Variants in EIF3F observed in about 807,000 individuals in gnomAD.
The protein encoded by EIF3F is eukaryotic translation initiation factor 3 subunit F, also known as deubiquitinating enzyme eIF3f.
EIF3F carries 8 observed loss-of-function variants against 36.0 expected under a neutral mutation model. The ratio of observed to expected loss-of-function variants is 0.22; its 90% CI spans 0.13 to 0.40. The LOEUF is 0.40. Among genes scored for constraint, EIF3F ranks in the 10% least tolerant of loss-of-function variants. The probability of loss-of-function intolerance (pLI) is 1.00; values close to 1 mark genes in which losing one functional copy is unlikely to be tolerated. For missense variants in EIF3F, 430 were observed against 467.6 expected (o/e 0.92, Z 0.74); for synonymous variants, 184 against 188.5 (o/e 0.98, Z 0.19).
At chr11:7,988,013 GT>G in intron 1 of EIF3F, 1 of 290,940 alleles carries the variant, frequency 3.4e-6, no homozygotes, top group Non-Finnish European at 6.1e-6. Context: ...TATGCCAGTG[GT>G]TTACATTTTA....
rs754625266 is a variant in EIF3F at position 7,991,770 on chromosome 11, C to G, written c.365-11C>G. 1.2e-6 allele frequency: 2 copies of G among 1,614,122 alleles called. No individual in the cohort carries two copies. Among genetic ancestry groups the G allele is most frequent in the Non-Finnish European group, 1.7e-6 (2 of 1,179,956 alleles). ...GATTATATAACACATGGACGATTCT[C>G]TCTTTCACAGGAACTGTCGACAAAC... On this transcript the variant is annotated splice_polypyrimidine_tract_variant and intron_variant, in intron 1 of 7. Transcript: ENST00000651655.
rs1007787993 is a variant in EIF3F at position 7,999,673 on chromosome 11, G to A, written c.*3651G>A. 2.6e-5 allele frequency: 4 copies of A among 152,190 alleles called. No individual in the cohort carries two copies. The highest frequency in any genetic ancestry group is 4.4e-5 in the Non-Finnish European group (3 of 68,026). The allele number at this position is 152,190 out of a possible 1,614,324, so 9.4% of individuals were successfully genotyped here. The stretch of plus-strand genomic sequence containing the variant: ...AGTTCAGTAGACTCAAAATGCAAGC[G>A]TTGGTGAGGGTATGGAGAAAAGGGA... On this transcript the variant is annotated 3_prime_UTR_variant, in exon 8 of 8. Coordinates refer to ENST00000651655, the MANE Select transcript of EIF3F (RefSeq NM_003754.3).
In EIF3F at chr11:7,991,864, C is replaced by A. The variant is rs955111065; in HGVS notation, c.435+13C>A. On this transcript the variant is annotated intron_variant, in intron 2 of 7. Coordinates refer to ENST00000651655, the MANE Select transcript of EIF3F (RefSeq NM_003754.3). ...GTCAGAAGATGAAGTGAGTGGGAAT[C>A]CAAGCTGTCCCTCTGCAGTTTTTAG... 5 of 1,613,950 alleles carry A rather than the reference C, an allele frequency of 3.1e-6. No homozygotes were observed. In the African/African-American group the frequency reaches 5.3e-5, roughly 17 times the overall value.
At chr11:7,992,296 G>A in intron 3 of EIF3F, 133 bp downstream of exon 3, 1 of 799,112 alleles carries the variant, frequency 1.3e-6, no homozygotes, top group East Asian at 2.7e-5. Context: ...CTGACTGTGA[G>A]CAGTGGCTCA....
intron 1 of EIF3F, among the ~76,000 whole-genome samples, chr11:7,988,117 A>G (rs776183219): frequency 6.6e-6 from 1 of 152,230 alleles, no homozygotes; most frequent in East Asian, 1.9e-4. Context: ...TTGACTCCCT[A>G]TACCAGTGAC....
chr11:7,997,236 T>TA lies in EIF3F; in HGVS notation c.*1217dup, dbSNP rs1942170952. On this transcript the variant is annotated 3_prime_UTR_variant, in exon 8 of 8. Coordinates refer to ENST00000651655, the MANE Select transcript of EIF3F (RefSeq NM_003754.3). ...AAATGATAATGACAGGCCAAATTGT[T>TA]AAAGGTAGGTTAAAAGTAGACAGCA... The TA allele has an allele frequency of 6.6e-6, 1 of 152,152 alleles. No homozygotes were observed. The highest frequency in any genetic ancestry group is 2.1e-4 in the South Asian group (1 of 4,830). The allele number at this position is 152,152 out of a possible 1,614,324, so 9.4% of individuals were successfully genotyped here.
rs1264834883 is a variant in EIF3F, at chr11:7,998,938, T to C, written c.*2916T>C. 6.6e-6 allele frequency: 1 copy of C among 152,104 alleles called. No homozygotes were observed. Among genetic ancestry groups the C allele is most frequent in the Non-Finnish European group, 1.5e-5 (1 of 68,020 alleles). The allele number at this position is 152,104 out of a possible 1,614,324, so 9.4% of individuals were successfully genotyped here. On this transcript the variant is annotated 3_prime_UTR_variant, in exon 8 of 8. Transcript: ENST00000651655. ...GCGTTATTCTAGACTTATTAGCCAT[T>C]GTATTTAAACAAGAGGAAATAGAGA...
intron 4 of EIF3F, among the ~76,000 whole-genome samples, chr11:7,993,870 A>G (rs1589906169): frequency 6.6e-6 from 1 of 152,226 alleles, no homozygotes; most frequent in African/African-American, 2.4e-5. Flanking sequence ...TACAATATAT[A>G]TATAAGATCC....
intron 7 of EIF3F, 58 bp from the exon 8 acceptor site, chr11:7,995,887 G>A (rs1488998609): frequency 3.5e-5 from 52 of 1,492,070 alleles, no homozygotes; most frequent in Non-Finnish European, 3.5e-5. Flanking sequence ...GCCAAAGCCA[G>A]CCTTTTTGCT....
At chr11:7,992,454 C>T (rs7123741) in intron 3 of EIF3F, 8,254 of 458,998 alleles carry the variant, frequency 0.018, 561 homozygotes, top group African/African-American at 0.15. Context: ...CACCTATAGT[C>T]CTAGCTATTC....
Position 7,998,752 on chromosome 11 carries a change from T to C in EIF3F, c.*2730T>C, listed in dbSNP as rs1942189956. 6.6e-6 allele frequency: 1 copy of C among 152,166 alleles called. No individual in the cohort carries two copies. The highest frequency in any genetic ancestry group is 2.4e-5 in the African/African-American group (1 of 41,430). The allele number at this position is 152,166 out of a possible 1,614,324, so 9.4% of individuals were successfully genotyped here. On this transcript the variant is annotated 3_prime_UTR_variant, in exon 8 of 8. Coordinates refer to ENST00000651655, the MANE Select transcript of EIF3F (RefSeq NM_003754.3). ...AAAGAATGATAAAAATTCCCAATAA[T>C]GTTTACTTTGGTGGTGAGAAGAGGA... is the stretch of plus-strand genomic sequence containing the variant.
rs1232605429 is a variant in EIF3F at position 8,001,676 on chromosome 11, A to G, written c.*5654A>G. 1 of 152,068 alleles carries G rather than the reference A, an allele frequency of 6.6e-6. No individual in the cohort carries two copies. The highest frequency in any genetic ancestry group is 1.5e-5 in the Non-Finnish European group (1 of 68,020). 9.4% of individuals were successfully genotyped at this position (152,068 alleles called of 1,614,324 possible). A position where few individuals can be genotyped will look rare whatever the true frequency, so the allele number is the denominator to read the frequency against. The stretch of plus-strand genomic sequence containing the variant: ...GAAAATAAATAATATAAATACCTAG[A>G]ATATTTGTGAAGGTACAGCCAAGAA... On this transcript the variant is annotated 3_prime_UTR_variant, in exon 8 of 8. Coordinates refer to ENST00000651655, the MANE Select transcript of EIF3F (RefSeq NM_003754.3).
At position 7,995,345 on chromosome 11, in the gene EIF3F, C is replaced by T; in HGVS notation, c.974C>T (p.Thr325Ile). The change falls in exon 7 of 8, where the codon ACC becomes ATC. Residue 325 changes from threonine to isoleucine, a missense_variant. Coordinates refer to ENST00000651655, the MANE Select transcript of EIF3F (RefSeq NM_003754.3). ...VPKIVPDDFE[T>I]MLNSNINDLL... ...AAAATAGTTCCCGATGACTTTGAGA[C>T]CATGCTCAACAGCAACATCAATGTG... 6.2e-7 allele frequency: 1 copy of T among 1,614,032 alleles called. No individual in the cohort carries two copies. The highest frequency in any genetic ancestry group is 1.1e-5 in the South Asian group (1 of 91,080).
rs369481212 is a variant in EIF3F at position 7,987,610 on chromosome 11, C to A, written c.258C>A (p.Phe86Leu). Residue 86 changes from phenylalanine to leucine, a missense_variant, in exon 1 of 8, where the codon TTC becomes TTA. Physicochemically the swap from Phe to Leu is conservative, Grantham distance 22. Around this residue, in one of 2 missense-constraint regions of EIF3F, gnomAD observed 168 missense variants for 120.2 expected, o/e 1.40. Transcript: ENST00000651655. ...ALPGPALPGPFPGGRVVRLHP... is the reference protein window; with the variant it reads ...ALPGPALPGPLPGGRVVRLHP... ...CTGGTCCTGCTCTTCCAGGGCCCTT[C>A]CCCGGCGGCCGCGTGGTCAGGCTGC... is the stretch of plus-strand genomic sequence containing the variant. 1 of 1,585,470 alleles carries A rather than the reference C, an allele frequency of 6.3e-7. No individual in the cohort carries two copies. Among genetic ancestry groups the A allele is most frequent in the East Asian group, 2.3e-5 (1 of 43,906 alleles).
chr11:7,987,666 G>A lies in EIF3F; in HGVS notation c.314G>A (p.Ser105Asn), dbSNP rs1397438289. Residue 105 changes from serine (S) to asparagine (N), a missense_variant, in exon 1 of 8, where the codon AGC (serine) becomes AAC (asparagine). By Grantham distance (46) the Ser-to-Asn change is conservative. Transcript: ENST00000651655. ...HPVILASIVD[S>N]YERRNEGAAR... ...GTCATTTTGGCCTCCATTGTGGACA[G>A]CTACGAGAGACGCAACGAGGGTGCT... The A allele has an allele frequency of 2.6e-6, 4 of 1,525,628 alleles. No homozygotes were observed. Among genetic ancestry groups the A allele is most frequent in the African/African-American group, 1.4e-5 (1 of 70,878 alleles). The allele number at this position is 1,525,628 out of a possible 1,614,324, so 94.5% of individuals were successfully genotyped here. A position where few individuals can be genotyped will look rare whatever the true frequency, so the allele number is the denominator to read the frequency against.
intron 1 of EIF3F, 72 bp from the exon 2 acceptor site, chr11:7,991,709 A>T (rs897456932): frequency 5.2e-5 from 75 of 1,435,118 alleles, no homozygotes; most frequent in Non-Finnish European, 7.9e-6. Context: ...CATCAAAAGC[A>T]TTTCAAAAGT....
chr11:7,993,017 T>A lies in EIF3F; in HGVS notation c.646T>A (p.Tyr216Asn). The A allele has an allele frequency of 6.3e-7, 1 of 1,595,186 alleles. No individual in the cohort carries two copies. The highest frequency in any genetic ancestry group is 8.5e-7 in the Non-Finnish European group (1 of 1,170,216). The change falls in exon 4 of 8, where the codon TAC (tyrosine) becomes AAC (asparagine). Residue 216 changes from tyrosine to asparagine, a missense_variant. This residue lies in a region of EIF3F where 262 missense variants were observed against 347.4 expected (regional missense o/e 0.75). Transcript: ENST00000651655. ...LQNGRMSIKA[Y>N]VSTLMGVPGR... ...GAACGGCCGCATGAGCATCAAAGCCTACGTCAGGTGACCACAGTCTTGGGC... is the reference window on the plus strand; with the variant it reads ...GAACGGCCGCATGAGCATCAAAGCCAACGTCAGGTGACCACAGTCTTGGGC...
rs1942164311 is a variant in EIF3F, at chr11:7,996,706, A to G, written c.*684A>G. Reference sequence around the variant, plus strand: ...TGTAGGCTAGAGTACTTGCCTGTGTAACTTCAGACATCCATTTCCTCTGGT... The same window carrying G: ...TGTAGGCTAGAGTACTTGCCTGTGTGACTTCAGACATCCATTTCCTCTGGT... On this transcript the variant is annotated 3_prime_UTR_variant, in exon 8 of 8. Coordinates refer to ENST00000651655, the MANE Select transcript of EIF3F (RefSeq NM_003754.3). 1 of 152,194 alleles carries G rather than the reference A, an allele frequency of 6.6e-6. No individual in the cohort carries two copies. The highest frequency in any genetic ancestry group is 1.5e-5 in the Non-Finnish European group (1 of 68,034). The allele number at this position is 152,194 out of a possible 1,614,324, so 9.4% of individuals were successfully genotyped here.
At position 7,987,569 on chromosome 11, in the gene EIF3F, C is replaced by T. The variant is rs763718390; in HGVS notation, c.217C>T (p.Pro73Ser). 1.3e-6 allele frequency: 2 copies of T among 1,598,042 alleles called. No individual in the cohort carries two copies. The highest frequency in any genetic ancestry group is 8.5e-7 in the Non-Finnish European group (1 of 1,173,694). The change falls in exon 1 of 8, where the codon CCA becomes TCA. Residue 73 changes from proline to serine, a missense_variant. Transcript: ENST00000651655. ...CTCAGCGCAAGCTCCAGCGCAGACC[C>T]CAGCGCCCGCTCTGCCTGGTCCTGC... is the stretch of plus-strand genomic sequence containing the variant. Reference protein sequence around the residue: ...PASAQAPAQTPAPALPGPALP... With the variant: ...PASAQAPAQTSAPALPGPALP...
Sources: gnomAD v4.1 joint callset for allele counts (sites outside exome capture counted in the v4.1 genomes callset) on GRCh38, gnomAD v4.1.1 for gene constraint, gnomAD v4.1.1 regional missense constraint, MANE v1.5 for transcripts, NCBI Gene and HGNC (gene_info 2026-07-23, HGNC 2026-07-21) for gene names.